Variants in TUB observed in about 807,000 individuals in gnomAD.
TUB encodes the protein TUB bipartite transcription factor.
A neutral mutation model predicts 59.7 loss-of-function variants in TUB; 33 were observed. The observed-to-expected ratio is 0.55, with a 90% CI of 0.42 to 0.74. The LOEUF is 0.74. TUB is among the 30% of genes least tolerant of loss of function. The probability of loss-of-function intolerance (pLI) is 0.00; values close to 1 mark genes in which losing one functional copy is unlikely to be tolerated. For missense variants in TUB, 659 were observed against 672.0 expected, an observed-to-expected ratio of 0.98 and a Z score of 0.21; for synonymous variants, 293 against 256.4, an observed-to-expected ratio of 1.14 and a Z score of -1.36.
At chr11:8,027,758 G>A (rs990354855) in intron 1 of TUB, among the ~76,000 whole-genome samples, 8 of 152,074 alleles carry the variant, frequency 5.3e-5, no homozygotes, top group East Asian at 1.9e-4. Context: ...CAAGTGATCC[G>A]CCCATCTCAG....
At chr11:8,074,695 C>T (rs955554463) in intron 2 of TUB, among the ~76,000 whole-genome samples, 3 of 148,346 alleles carry the variant, frequency 2.0e-5, no homozygotes, top group Non-Finnish European at 3.0e-5. Flanking sequence ...GCTACAATAG[C>T]GCCACTTATA....
chr11:8,041,607 C>T (rs372488844), intron 2 of TUB, among the ~76,000 whole-genome samples: 1 of 152,196 alleles, frequency 6.6e-6, no homozygotes, highest in East Asian at 1.9e-4. Context: ...CTTTGTGTAC[C>T]TCGTATGCAT....
intron 2 of TUB, chr11:8,039,710 AG>A: frequency 6.6e-7 from 1 of 1,514,602 alleles, no homozygotes; most frequent in Non-Finnish European, 8.9e-7. Context: ...GGAGGGGAGG[AG>A]GGCGTGCCGG....
At chr11:8,092,240 A>T (rs896642969) in intron 3 of TUB, among the ~76,000 whole-genome samples, 17 of 152,278 alleles carry the variant, frequency 1.1e-4, no homozygotes, top group African/African-American at 3.8e-4. Context: ...GCGGAAGTTC[A>T]GGACTAGCCT....
At chr11:8,025,713 C>T (rs1942491777) in intron 1 of TUB, among the ~76,000 whole-genome samples, 1 of 152,136 alleles carries the variant, frequency 6.6e-6, no homozygotes, top group African/African-American at 2.4e-5. Flanking sequence ...TTTGTTTATC[C>T]CATCACCTGT....
intron 1 of TUB, among the ~76,000 whole-genome samples, chr11:8,029,586 AC>A (rs1412153078): frequency 6.6e-6 from 1 of 151,860 alleles, no homozygotes; most frequent in Non-Finnish European, 1.5e-5. Context: ...ACGAGTTTTC[AC>A]CAATTTGGTC....
chr11:8,062,048 G>A (rs1189304078), intron 2 of TUB: 86 of 152,656 alleles, frequency 5.6e-4, no homozygotes, highest in Non-Finnish European at 1.9e-4. Context: ...GCAGGGTGAC[G>A]ACTCTCGGTG....
chr11:8,103,724 C>G lies in TUB; in HGVS notation c.*2105C>G, dbSNP rs1221324703. On this transcript the variant is annotated 3_prime_UTR_variant, in exon 12 of 12. Coordinates refer to ENST00000299506, the MANE Select transcript of TUB (RefSeq NM_177972.3). Reference sequence around the variant, plus strand: ...TTCCCTGCCTTTAAGGAGAAGAGATCTTCATGGTGACATTTGAGATGATGG... The same window carrying G: ...TTCCCTGCCTTTAAGGAGAAGAGATGTTCATGGTGACATTTGAGATGATGG... 6.6e-6 allele frequency: 1 copy of G among 152,638 alleles called. No individual in the cohort carries two copies. The highest frequency in any genetic ancestry group is 1.5e-5 in the Non-Finnish European group (1 of 68,056). The allele number at this position is 152,638 out of a possible 1,614,324, so 9.5% of individuals were successfully genotyped here.
intron 2 of TUB, among the ~76,000 whole-genome samples, chr11:8,066,033 T>C (rs553367814): frequency 6.6e-6 from 1 of 152,246 alleles, no homozygotes; most frequent in African/African-American, 2.4e-5. Context: ...TGAAATAGGT[T>C]GTGCATGGTG....
intron 1 of TUB, among the ~76,000 whole-genome samples, chr11:8,032,126 G>A (rs890415403): frequency 3.9e-5 from 6 of 151,980 alleles, no homozygotes; most frequent in South Asian, 4.2e-4. Context: ...GGCCGGGAGC[G>A]CCTGGGGAAA....
In TUB at chr11:8,039,574, C is replaced by T. The variant is rs975556252; in HGVS notation, c.156-71C>T. 9 of 1,344,898 alleles carry T rather than the reference C, an allele frequency of 6.7e-6. No homozygotes were observed. In the African/African-American group the frequency reaches 1.3e-4, roughly 20 times the overall value. 83.3% of individuals were successfully genotyped at this position (1,344,898 alleles called of 1,614,324 possible). A position where few individuals can be genotyped will look rare whatever the true frequency, so the allele number is the denominator to read the frequency against. On this transcript the variant is annotated intron_variant, in intron 1 of 12. Transcript: ENST00000305253. ...GAGGCCTTGAGTGACCAGGTGTGGC[C>T]AGGCAGCAGGCAGGGATGATGAGGT...
chr11:8,033,873 G>T (rs1165955941), upstream of TUB, among the ~76,000 whole-genome samples: 1 of 152,258 alleles, frequency 6.6e-6, no homozygotes, highest in East Asian at 1.9e-4. Context: ...AAGCTGTCTT[G>T]CAGCCTTTCC....
At chr11:8,038,779 C>A in exon 1 of TUB, 1 of 1,535,904 alleles carries the variant, frequency 6.5e-7, no homozygotes, top group South Asian at 1.3e-5. Context: ...GGTTTCAGTA[C>A]TGAGGCGAAT....
chr11:8,096,931 T>C, intron 6 of TUB, 125 bp downstream of exon 6: 1 of 1,115,016 alleles, frequency 9.0e-7, no homozygotes, highest in Non-Finnish European at 1.3e-6. Context: ...CTTATGTCCC[T>C]CTACCTTGCC....
intron 2 of TUB, among the ~76,000 whole-genome samples, chr11:8,044,451 T>A (rs1168073865): frequency 6.6e-6 from 1 of 152,226 alleles, no homozygotes; most frequent in East Asian, 1.9e-4. Flanking sequence ...CTTTTTTACG[T>A]GGAGTGAGTT....
chr11:8,064,801 A>G (rs1748838311), intron 2 of TUB, among the ~76,000 whole-genome samples: 1 of 152,248 alleles, frequency 6.6e-6, no homozygotes, highest in Non-Finnish European at 1.5e-5. Flanking sequence ...TGATGAGGAC[A>G]GTAAGTCAGG....
chr11:8,021,641 C>T lies in TUB; in HGVS notation c.56+2283C>T, dbSNP rs187731234. On this transcript the variant is annotated intron_variant, in intron 1 of 11. Transcript: ENST00000534099. The stretch of plus-strand genomic sequence containing the variant: ...GCTTGGTTTGAAAATCTTGGCCAGG[C>T]GTGGTGGCTCACGCCTGTAATCCCA... Among the ~76,000 whole-genome samples the T allele has an allele frequency of 7.2e-3, 1,091 of 152,126 alleles. 8 individuals carry two copies. The highest frequency in any genetic ancestry group is 0.011 in the Non-Finnish European group (767 of 67,980).
chr11:8,079,665 T>A (rs1564912850), upstream of TUB, among the ~76,000 whole-genome samples: 1 of 139,444 alleles, frequency 7.2e-6, no homozygotes, highest in African/African-American at 2.5e-5. Flanking sequence ...TGTGCATGCA[T>A]GTGTGTAGGT....
chr11:8,029,405 T>TC (rs1288043026), intron 1 of TUB, among the ~76,000 whole-genome samples: 46 of 114,844 alleles, frequency 4.0e-4, no homozygotes, highest in African/African-American at 1.2e-3. Context: ...TTTTTTTTTT[T>TC]TGAGACAGAG....
Sources: gnomAD v4.1 joint callset for allele counts (sites outside exome capture counted in the v4.1 genomes callset) on GRCh38, gnomAD v4.1.1 for gene constraint, MANE v1.5 for transcripts, NCBI Gene and HGNC (gene_info 2026-07-23, HGNC 2026-07-21) for gene names.